CRHBP: variants seen among roughly 807,000 people sequenced by gnomAD.
CRHBP encodes corticotropin releasing hormone binding protein, also known as corticotropin-releasing hormone-binding protein.
A neutral mutation model predicts 34.9 loss-of-function variants in CRHBP; 19 were observed. That is an observed-to-expected ratio of 0.55 (90% CI 0.38 to 0.80). The LOEUF is 0.80. Ranked by LOEUF, CRHBP falls within the 30% of genes least tolerant of loss-of-function variation. The probability of loss-of-function intolerance (pLI) is 0.00; values close to 1 mark genes in which losing one functional copy is unlikely to be tolerated. For missense variants in CRHBP, 328 were observed against 409.2 expected, an observed-to-expected ratio of 0.80 and a Z score of 1.71; for synonymous variants, 154 against 153.4, an observed-to-expected ratio of 1.00 and a Z score of -0.03.
chr5:76,958,461 T>C (rs112631710), intron 4 of CRHBP, among the ~76,000 whole-genome samples: 4 of 152,204 alleles, frequency 2.6e-5, no homozygotes, highest in African/African-American at 9.6e-5. Context: ...GGGTGCTGTG[T>C]TATGTCTTGT....
rs193257699 is a variant in CRHBP at position 76,965,023 on chromosome 5, A to C, written c.811+1563A>C. On this transcript the variant is annotated intron_variant, in intron 6 of 6. Coordinates refer to ENST00000274368, the MANE Select transcript of CRHBP (RefSeq NM_001882.4). The stretch of plus-strand genomic sequence containing the variant: ...AAAGAAAAGAATCAGGTAAAAAAAA[A>C]ACACACAAAAAAATACAGTATAACA... 4.3e-3 allele frequency among the ~76,000 whole-genome samples: 653 copies of C among 151,878 alleles called. 4 individuals are homozygous for C. The highest frequency in any genetic ancestry group is 7.3e-3 in the Non-Finnish European group (498 of 68,002).
At chr5:76,976,608 A>G (rs972534020) in intron 3 of CRHBP, 1 of 152,222 alleles carries the variant, frequency 6.6e-6, no homozygotes, top group Non-Finnish European at 1.5e-5. Context: ...TGTCAGGTAT[A>G]ACAGGAGCAC....
At chr5:76,975,216 A>G (rs1396055736) in intron 2 of CRHBP, among the ~76,000 whole-genome samples, 1 of 152,214 alleles carries the variant, frequency 6.6e-6, no homozygotes, top group Non-Finnish European at 1.5e-5. Flanking sequence ...CCAGCACAGC[A>G]GGTAGCTACT....
chr5:76,963,657 C>A (rs1745816518), intron 6 of CRHBP, among the ~76,000 whole-genome samples, 197 bp downstream of exon 6: 1 of 152,034 alleles, frequency 6.6e-6, no homozygotes, highest in Non-Finnish European at 1.5e-5. Flanking sequence ...GGAGAGAAAC[C>A]TTTGAAGCAA....
intron 5 of CRHBP, 91 bp from the exon 6 acceptor site, chr5:76,963,252 T>G: frequency 1.1e-6 from 1 of 942,456 alleles, no homozygotes; most frequent in East Asian, 2.4e-5. Context: ...TGAGGGCTGA[T>G]TGAGTGAATT....
At chr5:76,954,635 C>G (rs984245261) in intron 3 of CRHBP, among the ~76,000 whole-genome samples, 1 of 152,204 alleles carries the variant, frequency 6.6e-6, no homozygotes, top group Non-Finnish European at 1.5e-5. Context: ...CCGCCTCGCT[C>G]CTGCTGGTCC....
intron 2 of CRHBP, among the ~76,000 whole-genome samples, chr5:76,975,862 A>ACC (rs1746022894): frequency 2.3e-5 from 1 of 43,476 alleles, no homozygotes; most frequent in Non-Finnish European, 3.7e-5. Flanking sequence ...ATATATATAT[A>ACC]CACACACATA....
intron 6 of CRHBP, among the ~76,000 whole-genome samples, chr5:76,965,774 C>G (rs1745851637): frequency 6.6e-6 from 1 of 152,334 alleles, no homozygotes; most frequent in African/African-American, 2.4e-5. Context: ...AATTATATCA[C>G]TCTTTGGTTC....
chr5:76,961,071 AC>A (rs1745769540), intron 5 of CRHBP, among the ~76,000 whole-genome samples: 1 of 152,132 alleles, frequency 6.6e-6, no homozygotes, highest in Non-Finnish European at 1.5e-5. Context: ...CTGGCCAAGT[AC>A]TTTTTTGGTA....
At chr5:76,966,256 G>T (rs1438318846) in intron 6 of CRHBP, among the ~76,000 whole-genome samples, 2 of 152,228 alleles carry the variant, frequency 1.3e-5, no homozygotes, top group Non-Finnish European at 2.9e-5. Flanking sequence ...GACCTCAGGT[G>T]ATCTGCCCAC....
intron 5 of CRHBP, among the ~76,000 whole-genome samples, chr5:76,962,435 T>C (rs1745792857): frequency 6.6e-6 from 1 of 151,890 alleles, no homozygotes; most frequent in Non-Finnish European, 1.5e-5. Context: ...GGTTGCTTTG[T>C]TTGTGTTGGA....
Position 76,954,979 on chromosome 5 carries a change from T to A in CRHBP, c.334-674T>A, listed in dbSNP as rs570799731. On this transcript the variant is annotated intron_variant, in intron 3 of 6. Coordinates refer to ENST00000274368, the MANE Select transcript of CRHBP (RefSeq NM_001882.4). ...GTAATTTTGCTAATGTGGACTAGAT[T>A]GGACTCGTTAAACTGGAGACCTGTG... Among the ~76,000 whole-genome samples the A allele has an allele frequency of 2.0e-5, 3 of 152,348 alleles. No individual in the cohort carries two copies. The East Asian group carries it at 5.8e-4, about 29-fold the overall frequency.
intron 6 of CRHBP, among the ~76,000 whole-genome samples, chr5:76,963,991 C>T (rs57038272): frequency 0.19 from 28,856 of 152,094 alleles, 2,914 homozygotes; most frequent in East Asian, 0.36. Context: ...CAGTGTAACA[C>T]AGAGGTAAAT....
In CRHBP at chr5:76,961,910, C is replaced by T. The variant is rs561429667; in HGVS notation, c.694-1433C>T. 7.2e-5 allele frequency among the ~76,000 whole-genome samples: 11 copies of T among 152,110 alleles called. No homozygotes were observed. The South Asian group carries it at 1.0e-3, about 14-fold the overall frequency. On this transcript the variant is annotated intron_variant, in intron 5 of 6. Transcript: ENST00000274368. ...CTGGGACTACAGGTGTGTGCCACCGCGCTTGGCTAATTTTTGTATTTTTAG... is the reference window on the plus strand; with the variant it reads ...CTGGGACTACAGGTGTGTGCCACCGTGCTTGGCTAATTTTTGTATTTTTAG...
At chr5:76,958,638 C>G (rs1226103744) in intron 4 of CRHBP, 103 bp from the exon 5 acceptor site, 1 of 1,328,030 alleles carries the variant, frequency 7.5e-7, no homozygotes, top group East Asian at 2.4e-5. Flanking sequence ...GCAGAAGGCC[C>G]TAGATCATGA....
intron 2 of CRHBP, 40 bp downstream of exon 2, chr5:76,953,734 G>C: frequency 6.4e-7 from 1 of 1,554,658 alleles, no homozygotes; most frequent in Non-Finnish European, 8.7e-7. Context: ...CCCGGGACGC[G>C]GGGAAGGTGG....
chr5:76,954,233 G>A, intron 3 of CRHBP, 47 bp downstream of exon 3: 5 of 1,592,096 alleles, frequency 3.1e-6, no homozygotes, highest in Non-Finnish European at 3.4e-6. Context: ...CGGCACGGGA[G>A]GGTTGGAAAG....
At chr5:76,959,047 C>G in intron 5 of CRHBP, 158 bp downstream of exon 5, 1 of 649,514 alleles carries the variant, frequency 1.5e-6, no homozygotes, top group Non-Finnish European at 2.4e-6. Context: ...GCTGCTTTGA[C>G]TAACCCCCTC....
At chr5:76,961,952 C>T (rs189387781) in intron 5 of CRHBP, among the ~76,000 whole-genome samples, 403 of 152,186 alleles carry the variant, frequency 2.6e-3, no homozygotes, top group Middle Eastern at 0.01. Flanking sequence ...CGGGGTTTCA[C>T]CGTGTTGGCC....
Sources: gnomAD v4.1 joint callset for allele counts (sites outside exome capture counted in the v4.1 genomes callset) on GRCh38, gnomAD v4.1.1 for gene constraint, MANE v1.5 for transcripts, NCBI Gene and HGNC (gene_info 2026-07-23, HGNC 2026-07-21) for gene names.